The following ETV6 variants were observed in gnomAD, a reference collection of about 807,000 sequenced individuals.
The protein encoded by ETV6 is ETS variant transcription factor 6, also known as transcription factor ETV6.
Under a neutral mutation model 51.1 loss-of-function variants are expected in ETV6, and 16 were observed. The ratio of observed to expected loss-of-function variants is 0.31; its 90% CI spans 0.21 to 0.48. ETV6 has a LOEUF of 0.48. Ranked by LOEUF, ETV6 falls within the 20% of genes least tolerant of loss-of-function variation. The probability of loss-of-function intolerance (pLI) is 0.99; values close to 1 mark genes in which losing one functional copy is unlikely to be tolerated. For missense variants in ETV6, 458 were observed against 594.8 expected (o/e 0.77, Z 2.39); for synonymous variants, 240 against 224.1 (o/e 1.07, Z -0.64).
chr12:11,681,016 C>T (rs558946586), intron 1 of ETV6, among the ~76,000 whole-genome samples: 2 of 152,128 alleles, frequency 1.3e-5, no homozygotes, highest in Admixed American at 6.5e-5. Flanking sequence ...AAAGCCTGGT[C>T]GACATTTTCT....
intron 1 of ETV6, among the ~76,000 whole-genome samples, chr12:11,663,826 G>A (rs1864146181): frequency 6.6e-6 from 1 of 152,140 alleles, no homozygotes; most frequent in Admixed American, 6.6e-5. Context: ...AAAAAATAAA[G>A]TGTTGTTTAC....
chr12:11,822,381 G>A (rs1178559643), intron 2 of ETV6, among the ~76,000 whole-genome samples: 4 of 152,196 alleles, frequency 2.6e-5, no homozygotes, highest in South Asian at 4.1e-4. Context: ...TGCCTTGTGC[G>A]TTAGAACTCT....
At chr12:11,803,945 A>G (rs930312494) in intron 2 of ETV6, among the ~76,000 whole-genome samples, 1 of 151,890 alleles carries the variant, frequency 6.6e-6, no homozygotes, top group Non-Finnish European at 1.5e-5. Flanking sequence ...TCATCTTCTG[A>G]TCTTCATCAA....
At chr12:11,793,930 A>G (rs1268399424) in intron 2 of ETV6, among the ~76,000 whole-genome samples, 3 of 152,188 alleles carry the variant, frequency 2.0e-5, no homozygotes, top group Admixed American at 6.5e-5. Flanking sequence ...CATCAAAAAG[A>G]TATGAATGCT....
chr12:11,858,326 G>A (rs1028409697), intron 4 of ETV6, among the ~76,000 whole-genome samples: 5 of 152,024 alleles, frequency 3.3e-5, no homozygotes, highest in Non-Finnish European at 7.4e-5. Flanking sequence ...ATTTTGTCAC[G>A]TGCAGTTGTG....
chr12:11,883,276 C>CTTT lies in ETV6; in HGVS notation c.1010-1136_1010-1134dup, dbSNP rs547786286. ...GGGAAGGTGTACATCATGTCTTCTT[C>CTTT]TTTTTTTTTTTTTTTTTTTTTTTTT... On this transcript the variant is annotated intron_variant, in intron 5 of 7. Transcript: ENST00000396373. Among the ~76,000 whole-genome samples the CTTT allele has an allele frequency of 3.2e-3, 250 of 78,944 alleles. 14 individuals are homozygous for CTTT. The highest frequency in any genetic ancestry group is 0.011 in the East Asian group (29 of 2,570). 51.8% of individuals were successfully genotyped at this position (78,944 alleles called of 152,430 possible).
At chr12:11,677,383 A>G (rs1360176250) in intron 1 of ETV6, among the ~76,000 whole-genome samples, 2 of 152,244 alleles carry the variant, frequency 1.3e-5, no homozygotes, top group Non-Finnish European at 2.9e-5. Context: ...TAGCATATGC[A>G]TCTAGATTCT....
chr12:11,797,188 A>T (rs560253099), intron 2 of ETV6, among the ~76,000 whole-genome samples: 2 of 152,268 alleles, frequency 1.3e-5, no homozygotes, highest in African/African-American at 4.8e-5. Flanking sequence ...ATTCTTTCAA[A>T]CACCATTATT....
chr12:11,888,748 G>C (rs549133095), intron 7 of ETV6, among the ~76,000 whole-genome samples: 1 of 152,152 alleles, frequency 6.6e-6, no homozygotes, highest in Admixed American at 6.5e-5. Context: ...TGTTGCCCAG[G>C]CTAGAGTGCA....
chr12:11,656,759 G>T (rs1483858807), intron 1 of ETV6, among the ~76,000 whole-genome samples: 1 of 152,094 alleles, frequency 6.6e-6, no homozygotes, highest in Non-Finnish European at 1.5e-5. Flanking sequence ...ATCCTGCCCG[G>T]CCTCGGGCTA....
At chr12:11,785,990 T>A (rs567994968) in intron 2 of ETV6, among the ~76,000 whole-genome samples, 1 of 152,326 alleles carries the variant, frequency 6.6e-6, no homozygotes, top group South Asian at 2.1e-4. Context: ...CAGGTTTGAT[T>A]GCATAATTTA....
At chr12:11,839,021 G>T in intron 2 of ETV6, 119 bp from the exon 3 acceptor site, 1 of 1,071,354 alleles carries the variant, frequency 9.3e-7, no homozygotes, top group Non-Finnish European at 1.3e-6. Flanking sequence ...TGAACATAAG[G>T]GCTCTTGAGA....
intron 5 of ETV6, among the ~76,000 whole-genome samples, chr12:11,880,896 C>T (rs948170608): frequency 2.6e-5 from 4 of 152,214 alleles, no homozygotes; most frequent in African/African-American, 7.2e-5. Context: ...ATAGGAGGGG[C>T]TGCACACAAA....
intron 2 of ETV6, among the ~76,000 whole-genome samples, chr12:11,823,747 G>C (rs1946115504): frequency 6.6e-6 from 1 of 152,098 alleles, no homozygotes. Flanking sequence ...TTACAGGTGT[G>C]AGCCACCGCA....
intron 2 of ETV6, among the ~76,000 whole-genome samples, chr12:11,822,123 C>G (rs776709772): frequency 2.0e-5 from 3 of 152,214 alleles, no homozygotes; most frequent in Non-Finnish European, 4.4e-5. Flanking sequence ...ACCGCAAAAT[C>G]CAGTCTCATT....
In ETV6 at chr12:11,892,103, T is replaced by C. The variant is rs1947298835; in HGVS notation, c.*1057T>C. On this transcript the variant is annotated 3_prime_UTR_variant, in exon 8 of 8. Coordinates refer to ENST00000396373, the MANE Select transcript of ETV6 (RefSeq NM_001987.5). ...GAAACTGGGCAAAAATATTCTGCAG[T>C]GGGGATTTATTTTTCCAAAGCAGGT... is the stretch of plus-strand genomic sequence containing the variant. 8.6e-6 allele frequency: 2 copies of C among 231,952 alleles called. No individual in the cohort carries two copies. The highest frequency in any genetic ancestry group is 1.8e-4 in the South Asian group (1 of 5,478). The allele number at this position is 231,952 out of a possible 1,614,324, so 14.4% of individuals were successfully genotyped here.
chr12:11,794,749 C>A (rs1041536059), intron 2 of ETV6, among the ~76,000 whole-genome samples: 1 of 152,188 alleles, frequency 6.6e-6, no homozygotes, highest in Non-Finnish European at 1.5e-5. Context: ...AGGAGAAAAC[C>A]ATTATTTTAC....
Position 11,894,840 on chromosome 12 carries a change from T to G in ETV6, c.*3794T>G, listed in dbSNP as rs1023913970. 2.1e-5 allele frequency: 5 copies of G among 233,502 alleles called. No individual in the cohort carries two copies. In the Admixed American group the frequency reaches 2.8e-4, roughly 13 times the overall value. The allele number at this position is 233,502 out of a possible 1,614,324, so 14.5% of individuals were successfully genotyped here. ...GGATCCAGCCTGGGCTCACCCTGTG[T>G]GGCTCATTCCCACCCAGGAAACTGA... On this transcript the variant is annotated 3_prime_UTR_variant, in exon 8 of 8. Transcript: ENST00000396373.
At position 11,649,676 on chromosome 12, in the gene ETV6, G is replaced by A. The variant is rs1439221335; in HGVS notation, c.-452G>A. On this transcript the variant is annotated 5_prime_UTR_variant, in exon 1 of 8. Coordinates refer to ENST00000396373, the MANE Select transcript of ETV6 (RefSeq NM_001987.5). ...GCAGAGCTCAGTGCTGGGAATTCAC[G>A]TCAGTTTCTGCACTGAAACTCTCAA... is the stretch of plus-strand genomic sequence containing the variant. Among the ~76,000 whole-genome samples the A allele has an allele frequency of 6.7e-6, 1 of 149,736 alleles. No homozygotes were observed. Among genetic ancestry groups the A allele is most frequent in the African/African-American group, 2.4e-5 (1 of 41,236 alleles).
Sources: allele counts gnomAD v4.1 joint callset (sites outside exome capture counted in the v4.1 genomes callset), GRCh38; gene constraint gnomAD v4.1.1; transcripts MANE v1.5; gene names NCBI Gene and HGNC (gene_info 2026-07-23, HGNC 2026-07-21).